Variants in TPCN1 observed in about 807,000 individuals in gnomAD.
The protein encoded by TPCN1 is two pore channel protein 1.
In TPCN1, 52 loss-of-function variants were observed where a neutral mutation model predicts 108.8. That is an observed-to-expected ratio of 0.48 (90% CI 0.38 to 0.60). TPCN1 has a LOEUF of 0.60. Among genes scored for constraint, TPCN1 ranks in the 20% least tolerant of loss-of-function variants. The pLI, the probability that TPCN1 is intolerant of heterozygous loss-of-function variation, is 0.00. For synonymous variants in TPCN1, 446 were observed against 433.7 expected (o/e 1.03, Z -0.35); for missense variants, 806 against 1,072.8 (o/e 0.75, Z 3.47).
chr12:113,262,641 G>A (rs779379825), intron 3 of TPCN1, among the ~76,000 whole-genome samples: 5 of 152,314 alleles, frequency 3.3e-5, no homozygotes, highest in South Asian at 2.1e-4. Flanking sequence ...GGATAAGAGC[G>A]TGGGATAGGT....
intron 1 of TPCN1, among the ~76,000 whole-genome samples, chr12:113,224,681 C>T (rs1953404488): frequency 6.6e-6 from 1 of 152,148 alleles, no homozygotes; most frequent in Non-Finnish European, 1.5e-5. Context: ...CAGGCATGAG[C>T]CACCGCGCCT....
At chr12:113,270,906 TA>T (rs1347406494) in intron 7 of TPCN1, among the ~76,000 whole-genome samples, 2 of 152,116 alleles carry the variant, frequency 1.3e-5, no homozygotes, top group Admixed American at 6.5e-5. Context: ...ACATAGGGAT[TA>T]GGGGCAGGGG....
chr12:113,267,758 C>T (rs770852859), intron 4 of TPCN1, 85 bp from the exon 5 acceptor site: 42 of 894,142 alleles, frequency 4.7e-5, no homozygotes, highest in Non-Finnish European at 7.1e-5. Flanking sequence ...TCCTGGGGCA[C>T]TCCCAGGTCC....
intron 2 of TPCN1, among the ~76,000 whole-genome samples, chr12:113,244,014 T>G (rs950515540): frequency 2.0e-5 from 3 of 152,166 alleles, no homozygotes; most frequent in Admixed American, 2.0e-4. Flanking sequence ...TTCCATGTCT[T>G]TCACACTCCA....
chr12:113,242,960 A>G (rs934757745), intron 2 of TPCN1, among the ~76,000 whole-genome samples: 1 of 152,236 alleles, frequency 6.6e-6, no homozygotes, highest in African/African-American at 2.4e-5. Flanking sequence ...GGCGAGGGCC[A>G]TGGTTTCACC....
At chr12:113,238,958 C>G (rs1249577845) in intron 2 of TPCN1, among the ~76,000 whole-genome samples, 2 of 152,010 alleles carry the variant, frequency 1.3e-5, no homozygotes, top group African/African-American at 4.8e-5. Flanking sequence ...TAGTGAGACC[C>G]CATTTCTAAA....
rs80006121 is a variant in TPCN1, at chr12:113,230,866, A to G, written c.112+3902A>G. 8.5e-3 allele frequency among the ~76,000 whole-genome samples: 1,299 copies of G among 152,276 alleles called. 26 individuals are homozygous for G. Among genetic ancestry groups the G allele is most frequent in the East Asian group, 0.056 (293 of 5,190 alleles). ...TTTCTGGGGCCTCGCAGCCCATGGG[A>G]GTGGCAGTGTAAGGGCCCGAGTTAG... On this transcript the variant is annotated intron_variant, in intron 2 of 27. Coordinates refer to ENST00000335509, the MANE Select transcript of TPCN1 (RefSeq NM_017901.6).
At chr12:113,276,516 C>T (rs1450007804) in intron 10 of TPCN1, among the ~76,000 whole-genome samples, 1 of 152,102 alleles carries the variant, frequency 6.6e-6, no homozygotes, top group African/African-American at 2.4e-5. Context: ...GGCAGGCAGC[C>T]TCCGCCTGCC....
intron 2 of TPCN1, chr12:113,244,548 G>A (rs1367037417): frequency 3.0e-5 from 30 of 985,314 alleles, no homozygotes; most frequent in Non-Finnish European, 3.6e-5. Flanking sequence ...GGGGGCCTTT[G>A]AAGAGCCAGC....
chr12:113,292,889 G>T, intron 25 of TPCN1, 45 bp from the exon 26 acceptor site: 1 of 1,585,564 alleles, frequency 6.3e-7, no homozygotes. Flanking sequence ...CAGGTTGGCA[G>T]CTGCAGCCCC....
chr12:113,290,993 A>C lies in TPCN1; in HGVS notation c.1954A>C (p.Ile652Leu). ...ELTVVNNWYI[I>L]MEGVTSQTSH... Reference sequence around the variant, plus strand: ...CACAGTTGTCAACAACTGGTACATCATCATGGTAAGAGCTCGGGCAGCTCT... The same window carrying C: ...CACAGTTGTCAACAACTGGTACATCCTCATGGTAAGAGCTCGGGCAGCTCT... The change falls in exon 23 of 28, where the codon ATC (isoleucine) becomes CTC (leucine). Residue 652 changes from isoleucine (I) to leucine (L), a missense_variant. Transcript: ENST00000335509. 4 of 1,613,758 alleles carry C rather than the reference A, an allele frequency of 2.5e-6. No homozygotes were observed. Among genetic ancestry groups the C allele is most frequent in the Non-Finnish European group, 3.4e-6 (4 of 1,179,966 alleles).
chr12:113,233,413 G>A (rs149815031), intron 2 of TPCN1, among the ~76,000 whole-genome samples: 12 of 152,248 alleles, frequency 7.9e-5, no homozygotes, highest in South Asian at 2.1e-4. Flanking sequence ...TCACAGCAGC[G>A]TGCCGCTGGG....
intron 2 of TPCN1, among the ~76,000 whole-genome samples, chr12:113,253,796 GAAGCAGC>G (rs1184591415): frequency 6.6e-6 from 1 of 152,236 alleles, no homozygotes; most frequent in East Asian, 1.9e-4. Flanking sequence ...TGTGTGTGGA[GAAGCAGC>G]AAGGTTCCAG....
intron 23 of TPCN1, among the ~76,000 whole-genome samples, chr12:113,291,262 C>T (rs1050821269): frequency 6.6e-6 from 1 of 152,234 alleles, no homozygotes; most frequent in African/African-American, 2.4e-5. Flanking sequence ...CTCTGGGTCT[C>T]TGTCCTGTCT....
chr12:113,241,793 T>TGTGTGTGTGTGC (rs776600301), intron 2 of TPCN1, among the ~76,000 whole-genome samples: 1,798 of 150,476 alleles, frequency 0.012, 27 homozygotes, highest in Non-Finnish European at 0.015. Context: ...TGTGTGTGTG[T>TGTGTGTGTGTGC]GCGTGTGTGT....
At position 113,288,608 on chromosome 12, in the gene TPCN1, G is replaced by A. The variant is rs549245074; in HGVS notation, c.1707-150G>A. The A allele has an allele frequency of 3.6e-5, 54 of 1,505,870 alleles. No individual in the cohort carries two copies. The African/African-American group carries it at 4.1e-4, about 12-fold the overall frequency. The allele number at this position is 1,505,870 out of a possible 1,614,324, so 93.3% of individuals were successfully genotyped here. On this transcript the variant is annotated intron_variant, in intron 20 of 27. Transcript: ENST00000335509. The surrounding 1 kb of genome is among the most constrained non-coding windows in gnomAD (Gnocchi z 4.8). Reference sequence around the variant, plus strand: ...GTTTTTCACCCCAGAGCTGCCCCACGAGGCCCCTTCCCCGCAGGCACTTTC... The same window carrying A: ...GTTTTTCACCCCAGAGCTGCCCCACAAGGCCCCTTCCCCGCAGGCACTTTC...
At chr12:113,238,017 C>G (rs1039134123) in intron 2 of TPCN1, among the ~76,000 whole-genome samples, 1 of 152,326 alleles carries the variant, frequency 6.6e-6, no homozygotes, top group East Asian at 1.9e-4. Context: ...TGCACTGACA[C>G]AGTCCCCTGA....
chr12:113,268,801 C>T lies in TPCN1; in HGVS notation c.588C>T (p.Ser196=), dbSNP rs1955381098. The change falls in exon 6 of 28, where the codon TCC becomes TCT. Residue 196 remains serine (S), a synonymous_variant. Transcript: ENST00000335509. This position sits in a 1 kb window ranked among gnomAD's most constrained non-coding sequence, Gnocchi z 7.3. ...TCGTGGTGTTGGTACGGCAGATGTC[C>T]CATGTGCGGGTGACCCGAGCACTGC... The part of the protein sequence containing the change: ...EAIVVLVRQM[S]HVRVTRALRC... 5.0e-6 allele frequency: 8 copies of T among 1,614,078 alleles called. No homozygotes were observed. The highest frequency in any genetic ancestry group is 6.8e-6 in the Non-Finnish European group (8 of 1,179,998).
chr12:113,239,685 G>C (rs760529144), intron 2 of TPCN1, among the ~76,000 whole-genome samples: 1 of 152,090 alleles, frequency 6.6e-6, no homozygotes, highest in African/African-American at 2.4e-5. Flanking sequence ...GCTGCCCCTA[G>C]GAACAGCCTA....
Sources: gnomAD v4.1 joint callset for allele counts (sites outside exome capture counted in the v4.1 genomes callset) on GRCh38, gnomAD v4.1.1 for gene constraint, Gnocchi (gnomAD v3.1) non-coding constraint, MANE v1.5 for transcripts, NCBI Gene and HGNC (gene_info 2026-07-23, HGNC 2026-07-21) for gene names.